Variants in STAU1 observed in about 807,000 individuals in gnomAD.
STAU1 encodes the protein double-stranded RNA-binding protein Staufen homolog 1.
In STAU1, 13 loss-of-function variants were observed where a neutral mutation model predicts 62.9. The ratio of observed to expected loss-of-function variants is 0.21; its 90% CI spans 0.13 to 0.33. The LOEUF is 0.33. STAU1 is among the 10% of genes least tolerant of loss of function. The pLI is 1.00. For synonymous variants in STAU1, 269 were observed against 265.1 expected, an observed-to-expected ratio of 1.01 and a Z score of -0.14; for missense variants, 571 against 712.1, an observed-to-expected ratio of 0.80 and a Z score of 2.25.
At chr20:49,118,854 G>A (rs772403108) in intron 9 of STAU1, among the ~76,000 whole-genome samples, 29 of 152,166 alleles carry the variant, frequency 1.9e-4, no homozygotes, top group Non-Finnish European at 4.0e-4. Context: ...ACACCCTTAC[G>A]GGGAAAATGT....
chr20:49,199,100 C>T, the STAU1 span, among the ~76,000 whole-genome samples: 11 of 151,252 alleles, frequency 7.3e-5, no homozygotes, highest in African/African-American at 2.2e-4. Flanking sequence ...AAGCCGAGAT[C>T]GTGCCACTGC....
intron 13 of STAU1, 45 bp from the exon 14 acceptor site, chr20:49,114,938 G>C: frequency 6.3e-7 from 1 of 1,588,284 alleles, no homozygotes; most frequent in Non-Finnish European, 8.6e-7. Flanking sequence ...TGAAATGTAA[G>C]AGAATTAAAG....
chr20:49,154,003 G>T lies in STAU1; in HGVS notation c.274C>A (p.Pro92Thr), dbSNP rs2093313833. 4.3e-6 allele frequency: 7 copies of T among 1,613,458 alleles called. No homozygotes were observed. The highest frequency in any genetic ancestry group is 4.2e-6 in the Non-Finnish European group (5 of 1,179,910). The change falls in exon 4 of 14, where the codon CCT (proline) becomes ACT (threonine). Residue 92 changes from proline to threonine, a missense_variant. Coordinates refer to ENST00000371856, the MANE Select transcript of STAU1 (RefSeq NM_017453.4). Reference protein sequence around the residue: ...MKLGKKPMYKPVDPYSRMQST... With the variant: ...MKLGKKPMYKTVDPYSRMQST... ...TGCATCCGAGAGTAAGGGTCAACAG[G>T]CTTATACATTGGTTTTTTTCCAAGT...
chr20:49,191,173 G>A (rs930186932), upstream of STAU1, among the ~76,000 whole-genome samples: 14 of 151,838 alleles, frequency 9.2e-5, no homozygotes, highest in Admixed American at 4.6e-4. Context: ...GACTACAGGC[G>A]CTTGCCACCA....
chr20:49,207,204 C>T, the STAU1 span, among the ~76,000 whole-genome samples: 2 of 151,582 alleles, frequency 1.3e-5, no homozygotes, highest in East Asian at 1.9e-4. Context: ...CCAGCCTAGG[C>T]GACCGAGTGA....
intron 10 of STAU1, 108 bp from the exon 11 acceptor site, chr20:49,118,204 C>T: frequency 3.0e-6 from 4 of 1,355,192 alleles, no homozygotes; most frequent in Middle Eastern, 1.8e-4. Flanking sequence ...CATGGCAGCG[C>T]AGGGAATCAG....
rs779504339 is a variant in STAU1, at chr20:49,123,126, C to T, written c.932G>A (p.Arg311Gln). ...AAACTCCCTGCGGCGCGGGAGGCCTCGCTCTGTGAGGAGCGTGTACTCTGG... is the reference window on the plus strand; with the variant it reads ...AAACTCCCTGCGGCGCGGGAGGCCTTGCTCTGTGAGGAGCGTGTACTCTGG... The part of the protein sequence containing the change: ...KEPEYTLLTE[R>Q]GLPRRREFVM... Residue 311 changes from arginine (R) to glutamine (Q), a missense_variant, in exon 8 of 14, where the codon CGA becomes CAA. Around this residue, in one of 3 missense-constraint regions of STAU1, gnomAD observed 414 missense variants for 499.6 expected, o/e 0.83. Transcript: ENST00000371856. 1.5e-5 allele frequency: 24 copies of T among 1,612,902 alleles called. No homozygotes were observed. Among genetic ancestry groups the T allele is most frequent in the East Asian group, 2.2e-5 (1 of 44,842 alleles).
chr20:49,197,080 G>C, the STAU1 span, among the ~76,000 whole-genome samples: 1 of 151,778 alleles, frequency 6.6e-6, no homozygotes, highest in Non-Finnish European at 1.5e-5. Context: ...GCTTGAACGC[G>C]GGAGGTGGAG....
At chr20:49,121,420 C>CA (rs1035448795) in intron 8 of STAU1, among the ~76,000 whole-genome samples, 34 of 152,118 alleles carry the variant, frequency 2.2e-4, no homozygotes, top group African/African-American at 7.0e-4. Flanking sequence ...CCCTCTACCC[C>CA]AAAAAAAATG....
intron 2 of STAU1, among the ~76,000 whole-genome samples, 196 bp downstream of exon 2, chr20:49,173,999 C>T (rs548843091): frequency 3.9e-5 from 6 of 152,334 alleles, no homozygotes; most frequent in African/African-American, 1.4e-4. Context: ...ATAGGCTTTA[C>T]ATTCTTGCCA....
the STAU1 span, among the ~76,000 whole-genome samples, chr20:49,200,620 A>G: frequency 6.6e-6 from 1 of 151,722 alleles, no homozygotes; most frequent in Non-Finnish European, 1.5e-5. Flanking sequence ...ACAAACAAAC[A>G]AACAGGAGCT....
intron 6 of STAU1, among the ~76,000 whole-genome samples, chr20:49,132,494 C>G (rs1037251994): frequency 8.5e-5 from 13 of 152,322 alleles, no homozygotes; most frequent in African/African-American, 2.9e-4. Flanking sequence ...CACGGTGGCT[C>G]ATGCCTATAA....
chr20:49,185,638 G>C (rs1020144194), intron 1 of STAU1, among the ~76,000 whole-genome samples: 3 of 152,112 alleles, frequency 2.0e-5, no homozygotes, highest in African/African-American at 7.2e-5. Flanking sequence ...TAGTTTGTGT[G>C]GGGGGATACA....
the STAU1 span, among the ~76,000 whole-genome samples, chr20:49,217,394 T>TTGAAGCTG: frequency 0.013 from 1,996 of 152,202 alleles, 15 homozygotes; most frequent in South Asian, 0.021. Flanking sequence ...AAGGGTTAGT[T>TTGAAGCTG]TGAAGCTGAC....
intron 5 of STAU1, among the ~76,000 whole-genome samples, chr20:49,140,744 GT>G (rs1387356491): frequency 2.0e-5 from 3 of 152,158 alleles, no homozygotes. Flanking sequence ...AACCAAGAAT[GT>G]ATTTTAATGC....
chr20:49,126,588 C>CAAAAAAAAAAAACAAAAAAAAAA, intron 6 of STAU1, among the ~76,000 whole-genome samples: 1 of 56,348 alleles, frequency 1.8e-5, no homozygotes, highest in African/African-American at 6.4e-5. Context: ...AAAAAAAAAA[C>CAAAAAAAAAAAACAAAAAAAAAA]AAAAAAAAAA....
rs1301229474 is a variant in STAU1, at chr20:49,114,606, C to A, written c.*272G>T. On this transcript the variant is annotated 3_prime_UTR_variant, in exon 14 of 14. Transcript: ENST00000371856. ...TCTGCTGGTGTCCCGGGAGAACCAG[C>A]TGGCTGGGCAGCCCTTCTTCCCCAC... 2 of 431,208 alleles carry A rather than the reference C, an allele frequency of 4.6e-6. No homozygotes were observed. The highest frequency in any genetic ancestry group is 2.0e-5 in the African/African-American group (1 of 49,906). 26.7% of individuals were successfully genotyped at this position (431,208 alleles called of 1,614,324 possible).
At chr20:49,157,791 T>C (rs2093385068) in intron 3 of STAU1, among the ~76,000 whole-genome samples, 1 of 151,920 alleles carries the variant, frequency 6.6e-6, no homozygotes, top group Non-Finnish European at 1.5e-5. Flanking sequence ...ACCTGGGTAA[T>C]TTTTTAATTT....
At chr20:49,188,636 C>T (rs1327814568), upstream of STAU1, among the ~76,000 whole-genome samples, 1 of 152,326 alleles carries the variant, frequency 6.6e-6, no homozygotes, top group African/African-American at 2.4e-5. Flanking sequence ...TCTGGGAGAA[C>T]CCAGCCTACC....
Sources: allele counts gnomAD v4.1 joint callset (sites outside exome capture counted in the v4.1 genomes callset), GRCh38; gene constraint gnomAD v4.1.1; regional missense constraint gnomAD v4.1.1; transcripts MANE v1.5; gene names NCBI Gene and HGNC (gene_info 2026-07-23, HGNC 2026-07-21).